CDK5RAP2: variants seen among roughly 807,000 people sequenced by gnomAD.
CDK5RAP2 encodes the protein CDK5 regulatory subunit associated protein 2, also known as CDK5 regulatory subunit-associated protein 2.
In CDK5RAP2, 147 loss-of-function variants were observed where a neutral mutation model predicts 232.9. The ratio of observed to expected loss-of-function variants is 0.63; its 90% confidence interval spans 0.55 to 0.72. CDK5RAP2 has a LOEUF of 0.72. Among genes scored for constraint, CDK5RAP2 ranks in the 30% least tolerant of loss-of-function variants. The pLI, the probability that CDK5RAP2 is intolerant of heterozygous loss-of-function variation, is 0.00. For missense variants in CDK5RAP2, 2,195 were observed against 2,231.5 expected (o/e 0.98, Z 0.33); for synonymous variants, 833 against 833.7 (o/e 1.00, Z 0.01).
At position 120,555,357 on chromosome 9, in the gene CDK5RAP2, C is replaced by T. The variant is rs191697457; in HGVS notation, c.196-4455G>A. Among the ~76,000 whole-genome samples the T allele has an allele frequency of 1.2e-3, 176 of 152,142 alleles. 1 individual carries two copies. Among genetic ancestry groups the T allele is most frequent in the Non-Finnish European group, 1.8e-3 (125 of 68,008 alleles). On this transcript the variant is annotated intron_variant, in intron 3 of 37. Transcript: ENST00000349780. ...TTCACCATGTTGGCCAGGCTGGTCT[C>T]GAACTCCTGACCTCAAGTGATCCGC...
At chr9:120,414,138 A>C (rs952136695) in intron 28 of CDK5RAP2, among the ~76,000 whole-genome samples, 3 of 152,240 alleles carry the variant, frequency 2.0e-5, no homozygotes, top group African/African-American at 7.2e-5. Flanking sequence ...ATGATGATAA[A>C]GGCAACCATT....
In CDK5RAP2 at chr9:120,526,946, A is replaced by G. The variant is rs1588572035; in HGVS notation, c.999+860T>C. ...TTATCCTTTCAGATGCAGCTCAGGC[A>G]CCTTCTCCTCTAAGCACTGCACCCC... is the stretch of plus-strand genomic sequence containing the variant. On this transcript the variant is annotated intron_variant, in intron 10 of 37. Transcript: ENST00000349780. 2.0e-5 allele frequency among the ~76,000 whole-genome samples: 3 copies of G among 152,106 alleles called. No homozygotes were observed. In the East Asian group the frequency reaches 5.8e-4, roughly 29 times the overall value.
intron 17 of CDK5RAP2, among the ~76,000 whole-genome samples, chr9:120,469,505 A>G (rs1163715472): frequency 1.3e-5 from 2 of 152,204 alleles, no homozygotes; most frequent in Non-Finnish European, 2.9e-5. Context: ...ATAATAAACT[A>G]TGCGGTCTCA....
At chr9:120,500,681 T>C (rs116241008) in intron 12 of CDK5RAP2, among the ~76,000 whole-genome samples, 1,610 of 152,284 alleles carry the variant, frequency 0.011, 27 homozygotes, top group African/African-American at 0.036. Flanking sequence ...TCACCCAAGG[T>C]GTACATACAC....
intron 36 of CDK5RAP2, among the ~76,000 whole-genome samples, chr9:120,391,651 A>G (rs2031991665): frequency 6.6e-6 from 1 of 151,894 alleles, no homozygotes; most frequent in African/African-American, 2.4e-5. Context: ...GGGCATCAGG[A>G]CTCTTAGGGT....
intron 23 of CDK5RAP2, among the ~76,000 whole-genome samples, chr9:120,442,326 A>AAG (rs961756955): frequency 6.6e-6 from 1 of 152,164 alleles, no homozygotes; most frequent in African/African-American, 2.4e-5. Flanking sequence ...TGCATGAGCA[A>AAG]AGAGAGAGAG....
At chr9:120,560,861 C>G (rs576050294) in intron 3 of CDK5RAP2, among the ~76,000 whole-genome samples, 3 of 152,102 alleles carry the variant, frequency 2.0e-5, no homozygotes, top group Non-Finnish European at 2.9e-5. Context: ...AGGTGATATG[C>G]CCGCCTTGAC....
intron 6 of CDK5RAP2, among the ~76,000 whole-genome samples, 176 bp downstream of exon 6, chr9:120,538,865 G>T (rs2041506030): frequency 6.6e-6 from 1 of 152,162 alleles, no homozygotes; most frequent in Non-Finnish European, 1.5e-5. Context: ...GGGTAAAGGG[G>T]TTATAAATTA....
At chr9:120,482,179 T>C (rs2038356605) in intron 14 of CDK5RAP2, among the ~76,000 whole-genome samples, 1 of 152,078 alleles carries the variant, frequency 6.6e-6, no homozygotes, top group African/African-American at 2.4e-5. Context: ...AAAAAAACAA[T>C]AAATATGGAT....
intron 25 of CDK5RAP2, among the ~76,000 whole-genome samples, chr9:120,434,349 C>G (rs1003278189): frequency 6.6e-6 from 1 of 151,920 alleles, no homozygotes; most frequent in East Asian, 1.9e-4. Flanking sequence ...GAGGGTGGGG[C>G]GGCAGAAGTA....
At chr9:120,575,299 C>T (rs1052257107) in intron 1 of CDK5RAP2, among the ~76,000 whole-genome samples, 1 of 151,934 alleles carries the variant, frequency 6.6e-6, no homozygotes, top group African/African-American at 2.4e-5. Flanking sequence ...GTGACCTGAC[C>T]GCCTCAGCCT....
chr9:120,441,744 T>C (rs1427291991), intron 23 of CDK5RAP2, among the ~76,000 whole-genome samples: 1 of 152,232 alleles, frequency 6.6e-6, no homozygotes, highest in African/African-American at 2.4e-5. Context: ...TGGCATTTCA[T>C]TTCAGAAAGC....
At chr9:120,399,343 G>C (rs1338117441) in intron 35 of CDK5RAP2, among the ~76,000 whole-genome samples, 1 of 152,100 alleles carries the variant, frequency 6.6e-6, no homozygotes, top group Non-Finnish European at 1.5e-5. Context: ...AATCATATGA[G>C]GCAGGCACTA....
chr9:120,533,101 C>T (rs1192339699), intron 7 of CDK5RAP2, among the ~76,000 whole-genome samples: 1 of 152,276 alleles, frequency 6.6e-6, no homozygotes, highest in Middle Eastern at 3.4e-3. Flanking sequence ...CACGCCCAGG[C>T]AGAGCTGATC....
At chr9:120,481,510 T>C (rs1588449098) in intron 14 of CDK5RAP2, among the ~76,000 whole-genome samples, 1 of 149,096 alleles carries the variant, frequency 6.7e-6, no homozygotes, top group East Asian at 1.9e-4. Flanking sequence ...TTCTTTTTTT[T>C]TTTTTTCTTT....
chr9:120,394,363 C>G, intron 36 of CDK5RAP2, 149 bp downstream of exon 36: 1 of 1,284,224 alleles, frequency 7.8e-7, no homozygotes, highest in Non-Finnish European at 1.1e-6. Flanking sequence ...CTATGTGAGT[C>G]AGAAAGGATG....
intron 12 of CDK5RAP2, among the ~76,000 whole-genome samples, chr9:120,496,658 C>G (rs1483685380): frequency 7.0e-6 from 1 of 142,904 alleles, no homozygotes; most frequent in African/African-American, 2.7e-5. Flanking sequence ...CCCCTCTGCC[C>G]GGCCAGCCGC....
At chr9:120,413,063 T>TAAA (rs1394505672) in intron 28 of CDK5RAP2, among the ~76,000 whole-genome samples, 1 of 152,160 alleles carries the variant, frequency 6.6e-6, no homozygotes, top group African/African-American at 2.4e-5. Flanking sequence ...TTTGTATTAC[T>TAAA]AAAACAATTA....
chr9:120,427,275 AT>A (rs1226818411), intron 25 of CDK5RAP2, among the ~76,000 whole-genome samples: 2 of 152,246 alleles, frequency 1.3e-5, no homozygotes, highest in East Asian at 3.8e-4. Flanking sequence ...AAACAAAAAA[AT>A]CCATAATGTT....
Sources: gnomAD v4.1 joint callset for allele counts (sites outside exome capture counted in the v4.1 genomes callset) on GRCh38, gnomAD v4.1.1 for gene constraint, MANE v1.5 for transcripts, NCBI Gene and HGNC (gene_info 2026-07-23, HGNC 2026-07-21) for gene names.